The following PHF6 variants were observed in gnomAD, a reference collection of about 807,000 sequenced individuals.
The protein encoded by PHF6 is PHD finger protein 6.
PHF6 carries 7 observed loss-of-function variants against 34.0 expected under a neutral mutation model. That is an observed-to-expected ratio of 0.21 (90% CI 0.12 to 0.39). The LOEUF (loss-of-function observed/expected upper bound fraction) is 0.39, where lower values mean the gene tolerates loss of function less well. Ranked by LOEUF, PHF6 falls within the 10% of genes least tolerant of loss-of-function variation. The probability of loss-of-function intolerance (pLI) is 1.00; values close to 1 mark genes in which losing one functional copy is unlikely to be tolerated. For missense variants in PHF6, 128 were observed against 262.8 expected, an observed-to-expected ratio of 0.49 and a Z score of 3.55; for synonymous variants, 89 against 88.4, an observed-to-expected ratio of 1.01 and a Z score of -0.04.
At chrX:134,390,487 A>G (rs779548940) in intron 3 of PHF6, among the ~76,000 whole-genome samples, 3 of 112,393 alleles carry the variant, frequency 2.7e-5, no homozygotes, top group African/African-American at 9.7e-5. Context: ...GTATTTCACC[A>G]TAGCAGCTTA....
chrX:134,394,703 C>G (rs1349750869), intron 5 of PHF6, among the ~76,000 whole-genome samples: 7 of 106,453 alleles, frequency 6.6e-5, no homozygotes, highest in Admixed American at 3.0e-4. Context: ...CCACGCCTGG[C>G]TAATTTTTTG....
intron 9 of PHF6, 135 bp downstream of exon 9, chrX:134,417,437 A>C: frequency 1.6e-6 from 1 of 628,961 alleles, no homozygotes; most frequent in East Asian, 3.6e-5. Context: ...TATGTAAGGA[A>C]TGAGTACTAC....
intron 3 of PHF6, among the ~76,000 whole-genome samples, chrX:134,379,432 C>CTTTTTTTTTTTTTTTTTTTTTTTTTTTT (rs34099570): frequency 3.8e-5 from 1 of 26,276 alleles, no homozygotes; most frequent in Non-Finnish European, 5.7e-5. Context: ...CTTTTCTTTT[C>CTTTTTTTTTTTTTTTTTTTTTTTTTTTT]TTTTTTTTTT....
chrX:134,393,078 A>G (rs1345936213), intron 3 of PHF6, among the ~76,000 whole-genome samples: 3 of 112,312 alleles, frequency 2.7e-5, no homozygotes, highest in Non-Finnish European at 3.8e-5. Context: ...GATTACAGGC[A>G]TGAGCCACCG....
intron 3 of PHF6, among the ~76,000 whole-genome samples, chrX:134,382,712 C>T (rs2124205490): frequency 9.2e-6 from 1 of 108,725 alleles, no homozygotes. Context: ...CAATTATAGG[C>T]GCCCACCACC....
At chrX:134,383,291 G>T (rs932202972) in intron 3 of PHF6, among the ~76,000 whole-genome samples, 3 of 109,900 alleles carry the variant, frequency 2.7e-5, no homozygotes, top group Non-Finnish European at 5.7e-5. Flanking sequence ...TCAAGAAATT[G>T]TAATTCTACC....
At chrX:134,424,000 T>C (rs2077500047) in intron 9 of PHF6, among the ~76,000 whole-genome samples, 1 of 109,199 alleles carries the variant, frequency 9.2e-6, no homozygotes, top group South Asian at 4.0e-4. Context: ...TTAGGAGATA[T>C]ACCTGATATA....
chrX:134,423,880 C>T (rs747556883), intron 9 of PHF6, among the ~76,000 whole-genome samples: 2 of 110,131 alleles, frequency 1.8e-5, no homozygotes, highest in South Asian at 3.9e-4. Context: ...ACTGAGGAAT[C>T]GCCTTACACT....
intron 5 of PHF6, among the ~76,000 whole-genome samples, chrX:134,395,721 G>C (rs2077374418): frequency 8.9e-6 from 1 of 111,822 alleles, no homozygotes; most frequent in Non-Finnish European, 1.9e-5. Flanking sequence ...TTGATCTCTA[G>C]ATCTTGGCTT....
chrX:134,381,919 C>T (rs2077309268), intron 3 of PHF6, among the ~76,000 whole-genome samples: 1 of 111,341 alleles, frequency 9.0e-6, no homozygotes, highest in Admixed American at 9.6e-5. Flanking sequence ...AGTACTGAAC[C>T]CTGAGTGCTT....
In PHF6 at chrX:134,405,295, C is replaced by T. The variant is rs775179499; in HGVS notation, c.419-8196C>T. ...TCGGCTCACTGCAGCCTCCACCTCC[C>T]GGGTTCAAGCGATCCTCCCACCTCA... is the stretch of plus-strand genomic sequence containing the variant. On this transcript the variant is annotated intron_variant, in intron 5 of 10. Transcript: ENST00000370803. Among the ~76,000 whole-genome samples the T allele has an allele frequency of 4.5e-5, 5 of 111,136 alleles. No individual in the cohort carries two copies. In the East Asian group the frequency reaches 8.5e-4, roughly 19 times the overall value.
chrX:134,377,582 G>A lies in PHF6; in HGVS notation c.-36G>A, dbSNP rs755705850. 49 of 1,189,752 alleles carry A rather than the reference G, an allele frequency of 4.1e-5. No individual in the cohort carries two copies. The Admixed American group carries it at 6.8e-4, about 16-fold the overall frequency. On this transcript the variant is annotated 5_prime_UTR_variant, in exon 2 of 11. Transcript: ENST00000370803. The stretch of plus-strand genomic sequence containing the variant: ...TCTTATTCTCTGTAGCATTTCTTGA[G>A]ACTTAAAGTGGCATTCTAAAGGCAA...
intron 3 of PHF6, among the ~76,000 whole-genome samples, chrX:134,388,765 C>G (rs1316549986): frequency 2.7e-5 from 3 of 111,703 alleles, no homozygotes; most frequent in Non-Finnish European, 3.8e-5. Flanking sequence ...TTTCCTTTTG[C>G]TCTTTAAGAC....
intron 5 of PHF6, among the ~76,000 whole-genome samples, chrX:134,401,235 T>C (rs761403224): frequency 1.8e-5 from 2 of 111,452 alleles, no homozygotes; most frequent in Non-Finnish European, 3.8e-5. Context: ...ACCACTGTTT[T>C]CCTCATCTTA....
At chrX:134,392,384 C>G (rs2077358885) in intron 3 of PHF6, among the ~76,000 whole-genome samples, 1 of 112,119 alleles carries the variant, frequency 8.9e-6, no homozygotes, top group Non-Finnish European at 1.9e-5. Flanking sequence ...TAAAAGTTCA[C>G]TTGGTACAGT....
chrX:134,399,172 C>T (rs754881820), intron 5 of PHF6, among the ~76,000 whole-genome samples: 129 of 111,498 alleles, frequency 1.2e-3, no homozygotes, highest in African/African-American at 3.8e-3. Flanking sequence ...TGGTCAACTT[C>T]GTGGGCTGTT....
intron 5 of PHF6, among the ~76,000 whole-genome samples, chrX:134,406,300 G>A (rs2077425005): frequency 9.0e-6 from 1 of 110,756 alleles, no homozygotes; most frequent in Admixed American, 9.8e-5. Flanking sequence ...AAGCAGCCTT[G>A]TAAGAAAGGT....
intron 5 of PHF6, among the ~76,000 whole-genome samples, chrX:134,397,378 G>A (rs993507927): frequency 2.7e-5 from 3 of 112,227 alleles, no homozygotes; most frequent in Non-Finnish European, 5.6e-5. Flanking sequence ...GGCTGGCACG[G>A]TGGCTCACTC....
In PHF6 at chrX:134,377,753, A is replaced by G; in HGVS notation, c.136A>G (p.Met46Val). Reference sequence around the variant, plus strand: ...GAAGGTGGCAGCGCACCATAAGTGCATGGTAAGTATACCGGCAGCAACAGA... The same window carrying G: ...GAAGGTGGCAGCGCACCATAAGTGCGTGGTAAGTATACCGGCAGCAACAGA... ...NQKVAAHHKC[M>V]LFSSALVSSH... Residue 46 changes from methionine (M) to valine (V), a missense_variant and splice_region_variant, in exon 2 of 11, where the codon ATG (methionine) becomes GTG (valine). By Grantham distance (21) the Met-to-Val change is conservative. Coordinates refer to ENST00000370803, the MANE Select transcript of PHF6 (RefSeq NM_001015877.2). The G allele has an allele frequency of 8.3e-7, 1 of 1,208,988 alleles. No homozygotes were observed. The highest frequency in any genetic ancestry group is 1.1e-6 in the Non-Finnish European group (1 of 893,478).
Sources: gnomAD v4.1 joint callset for allele counts (sites outside exome capture counted in the v4.1 genomes callset) on GRCh38, gnomAD v4.1.1 for gene constraint, MANE v1.5 for transcripts, NCBI Gene and HGNC (gene_info 2026-07-23, HGNC 2026-07-21) for gene names.